Variants in FUT8 observed in about 807,000 individuals in gnomAD.
FUT8 encodes fucosyltransferase 8, also known as alpha-(1,6)-fucosyltransferase.
A neutral mutation model predicts 71.3 loss-of-function variants in FUT8; 29 were observed. The observed-to-expected ratio is 0.41, with a 90% CI of 0.30 to 0.55. The LOEUF (loss-of-function observed/expected upper bound fraction) is 0.55. Among genes scored for constraint, FUT8 ranks in the 20% least tolerant of loss-of-function variants. The pLI is 0.34. For missense variants in FUT8, 544 were observed against 702.1 expected (o/e 0.77, Z 2.55); for synonymous variants, 254 against 239.3 (o/e 1.06, Z -0.57).
chr14:65,537,328 G>GT (rs1440484210), intron 2 of FUT8, among the ~76,000 whole-genome samples: 1 of 151,626 alleles, frequency 6.6e-6, no homozygotes, highest in Non-Finnish European at 1.5e-5. Context: ...AGACACTCTG[G>GT]TTTTTTGAGT....
intron 1 of FUT8, among the ~76,000 whole-genome samples, chr14:65,453,140 CT>C (rs35340794): frequency 0.36 from 51,157 of 143,392 alleles, 10,705 homozygotes; most frequent in Non-Finnish European, 0.49. Flanking sequence ...TTCCTATATT[CT>C]TTTTTTTTTT....
chr14:65,468,526 T>C (rs10143378), intron 2 of FUT8, among the ~76,000 whole-genome samples: 1,585 of 152,254 alleles, frequency 0.01, 29 homozygotes, highest in African/African-American at 0.037. Flanking sequence ...TTTTTTTCTT[T>C]ACCTCTTGCT....
chr14:65,423,412 T>A (rs7150648), intron 1 of FUT8, among the ~76,000 whole-genome samples: 8 of 151,582 alleles, frequency 5.3e-5, no homozygotes, highest in Admixed American at 5.2e-4. Context: ...CAGGCACCCA[T>A]CACTACGCCA....
At chr14:65,575,419 A>G (rs956793243) in intron 3 of FUT8, among the ~76,000 whole-genome samples, 1 of 152,132 alleles carries the variant, frequency 6.6e-6, no homozygotes, top group Non-Finnish European at 1.5e-5. Context: ...ATACATGGGC[A>G]TTAATTTCAT....
At chr14:65,422,078 A>ACC (rs1166865509) in intron 1 of FUT8, among the ~76,000 whole-genome samples, 1 of 152,124 alleles carries the variant, frequency 6.6e-6, no homozygotes, top group Non-Finnish European at 1.5e-5. Flanking sequence ...CAAGTAGACT[A>ACC]CTTCAGCACC....
intron 5 of FUT8, among the ~76,000 whole-genome samples, chr14:65,618,421 G>A (rs1270829026): frequency 6.6e-6 from 1 of 151,844 alleles, no homozygotes; most frequent in African/African-American, 2.4e-5. Flanking sequence ...GTAGTTCATT[G>A]AAAACAAAAA....
intron 3 of FUT8, among the ~76,000 whole-genome samples, chr14:65,609,635 C>A (rs1011834458): frequency 6.6e-6 from 1 of 151,900 alleles, no homozygotes. Flanking sequence ...TAGTACCTCA[C>A]TGTCTTGATT....
At chr14:65,540,967 C>T (rs1034258105) in intron 2 of FUT8, among the ~76,000 whole-genome samples, 15 of 152,086 alleles carry the variant, frequency 9.9e-5, no homozygotes, top group Admixed American at 7.2e-4. Context: ...GAAAGCTAGG[C>T]GGCACAGATC....
chr14:65,382,208 A>G, the FUT8 span, among the ~76,000 whole-genome samples: 4 of 152,108 alleles, frequency 2.6e-5, no homozygotes, highest in Non-Finnish European at 5.9e-5. Context: ...TGTGTTCTCA[A>G]ATGTCCACCC....
chr14:65,595,708 A>T (rs112040118), intron 3 of FUT8, among the ~76,000 whole-genome samples: 11 of 138,812 alleles, frequency 7.9e-5, no homozygotes, highest in African/African-American at 3.0e-4. Context: ...TCCCGGGTTC[A>T]TGCTGTTCTC....
At position 65,742,739 on chromosome 14, in the gene FUT8, C is replaced by T. The variant is rs562779422; in HGVS notation, c.*329C>T. 5.5e-4 allele frequency: 124 copies of T among 225,122 alleles called. No individual in the cohort carries two copies. The highest frequency in any genetic ancestry group is 2.6e-3 in the African/African-American group (114 of 44,704). 13.9% of individuals were successfully genotyped at this position (225,122 alleles called of 1,614,324 possible). A position where few individuals can be genotyped will look rare whatever the true frequency, so the allele number is the denominator to read the frequency against. On this transcript the variant is annotated 3_prime_UTR_variant, in exon 11 of 11. Coordinates refer to ENST00000673929, the MANE Select transcript of FUT8 (RefSeq NM_001371533.1). ...TATTGTGTAATTTAAGTGACACAGACATTTTGTGTGAGACTTAAAACATGG... is the reference window on the plus strand; with the variant it reads ...TATTGTGTAATTTAAGTGACACAGATATTTTGTGTGAGACTTAAAACATGG...
chr14:65,733,166 A>C, intron 9 of FUT8, 65 bp from the exon 10 acceptor site: 9 of 979,826 alleles, frequency 9.2e-6, no homozygotes, highest in Non-Finnish European at 1.3e-5. Context: ...TCAAAGGAGA[A>C]AGTCTGCCTT....
At chr14:65,619,222 A>G (rs898349944) in intron 5 of FUT8, among the ~76,000 whole-genome samples, 2 of 152,212 alleles carry the variant, frequency 1.3e-5, no homozygotes, top group Admixed American at 6.5e-5. Flanking sequence ...TTTGAGAACT[A>G]CAACTACAGA....
intron 10 of FUT8, 110 bp from the exon 11 acceptor site, chr14:65,741,983 T>C (rs1285854990): frequency 2.5e-6 from 2 of 791,840 alleles, no homozygotes; most frequent in African/African-American, 3.5e-5. Context: ...TAGAATCCAC[T>C]ACTTTTCAAC....
intron 10 of FUT8, among the ~76,000 whole-genome samples, chr14:65,739,919 C>T (rs1896409062): frequency 6.6e-6 from 1 of 151,984 alleles, no homozygotes; most frequent in South Asian, 2.1e-4. Flanking sequence ...AATCTAATTA[C>T]ATTAGATAAT....
At chr14:65,633,010 C>A (rs981258188) in intron 6 of FUT8, among the ~76,000 whole-genome samples, 1 of 146,444 alleles carries the variant, frequency 6.8e-6, no homozygotes, top group Non-Finnish European at 1.5e-5. Flanking sequence ...CCCCTCCCCC[C>A]CCCCGTCTCC....
chr14:65,361,459 CT>C, the FUT8 span, among the ~76,000 whole-genome samples: 1 of 148,260 alleles, frequency 6.7e-6, no homozygotes, highest in Non-Finnish European at 1.5e-5. Flanking sequence ...GGGCACTAAC[CT>C]TACTGACTCA....
chr14:65,510,992 T>C (rs1487562025), intron 2 of FUT8, among the ~76,000 whole-genome samples: 1 of 152,102 alleles, frequency 6.6e-6, no homozygotes, highest in Non-Finnish European at 1.5e-5. Flanking sequence ...AAATGCATTG[T>C]TAGCTTGTAT....
chr14:65,598,650 C>T (rs1594802589), intron 3 of FUT8, among the ~76,000 whole-genome samples: 1 of 152,106 alleles, frequency 6.6e-6, no homozygotes, highest in Admixed American at 6.5e-5. Context: ...AGTTCAACTT[C>T]ATTTTAATTA....
Sources: allele counts gnomAD v4.1 joint callset (sites outside exome capture counted in the v4.1 genomes callset), GRCh38; gene constraint gnomAD v4.1.1; transcripts MANE v1.5; gene names NCBI Gene and HGNC (gene_info 2026-07-23, HGNC 2026-07-21).